HS6ST3: variants seen among roughly 807,000 people sequenced by gnomAD.
The protein encoded by HS6ST3 is heparan-sulfate 6-O-sulfotransferase 3.
A neutral mutation model predicts 36.7 loss-of-function variants in HS6ST3; 12 were observed. That is an observed-to-expected ratio of 0.33 (90% CI 0.21 to 0.53). The LOEUF (loss-of-function observed/expected upper bound fraction) is 0.53, where lower values mean the gene tolerates loss of function less well. Among genes scored for constraint, HS6ST3 ranks in the 20% least tolerant of loss-of-function variants. The pLI is 0.95. For synonymous variants in HS6ST3, 240 were observed against 257.5 expected, an observed-to-expected ratio of 0.93 and a Z score of 0.65; for missense variants, 584 against 640.9, an observed-to-expected ratio of 0.91 and a Z score of 0.96.
At chr13:96,515,402 C>T (rs1477270914) in intron 1 of HS6ST3, among the ~76,000 whole-genome samples, 10 of 152,174 alleles carry the variant, frequency 6.6e-5, no homozygotes, top group Non-Finnish European at 1.3e-4. Flanking sequence ...GAGGGGATGG[C>T]GTTGTTCACA....
At chr13:96,369,269 G>A (rs892714895) in intron 1 of HS6ST3, among the ~76,000 whole-genome samples, 3 of 152,080 alleles carry the variant, frequency 2.0e-5, no homozygotes, top group Non-Finnish European at 2.9e-5. Context: ...AAGCCACCAA[G>A]CAGCAACCGG....
intron 1 of HS6ST3, among the ~76,000 whole-genome samples, chr13:96,569,026 C>T (rs2056291624): frequency 6.6e-6 from 1 of 152,172 alleles, no homozygotes; most frequent in South Asian, 2.1e-4. Flanking sequence ...ACTTGGTTAT[C>T]TTCATGGAAA....
chr13:96,687,955 A>AG (rs1874830432), intron 1 of HS6ST3, among the ~76,000 whole-genome samples: 1 of 151,856 alleles, frequency 6.6e-6, no homozygotes, highest in Non-Finnish European at 1.5e-5. Context: ...TTCTTAGCAA[A>AG]CTATCACAAG....
At chr13:96,305,903 T>C (rs1239601832) in intron 1 of HS6ST3, among the ~76,000 whole-genome samples, 1 of 150,896 alleles carries the variant, frequency 6.6e-6, no homozygotes, top group African/African-American at 2.4e-5. Context: ...TTAACATTTA[T>C]GTACCAGATT....
At chr13:96,114,629 G>A (rs1016278051) in intron 1 of HS6ST3, among the ~76,000 whole-genome samples, 6 of 152,156 alleles carry the variant, frequency 3.9e-5, no homozygotes, top group African/African-American at 2.4e-5. Context: ...ATAGAGTTTT[G>A]AGGATTACAT....
rs761937904 is a variant in HS6ST3 at position 96,832,570 on chromosome 13, C to T, written c.788C>T (p.Thr263Ile). The T allele has an allele frequency of 1.2e-6, 2 of 1,613,836 alleles. No homozygotes were observed. The highest frequency in any genetic ancestry group is 1.7e-6 in the Non-Finnish European group (2 of 1,179,864). The change falls in exon 2 of 2, where the codon ACT becomes ATT. Residue 263 changes from threonine to isoleucine, a missense_variant. Physicochemically the swap from Thr to Ile is moderately conservative, Grantham distance 89. Around this residue, in one of 3 missense-constraint regions of HS6ST3, gnomAD observed 360 missense variants for 411.3 expected, o/e 0.88. Coordinates refer to ENST00000376705, the MANE Select transcript of HS6ST3 (RefSeq NM_153456.4). ...SEWKHVQRGA[T>I]WKTSLHMCDG... ...TGGAAACATGTCCAGAGAGGGGCCA[C>T]TTGGAAAACCTCTCTTCATATGTGT... is the stretch of plus-strand genomic sequence containing the variant.
At chr13:96,743,666 A>G (rs903044563) in intron 1 of HS6ST3, among the ~76,000 whole-genome samples, 8 of 151,976 alleles carry the variant, frequency 5.3e-5, no homozygotes, top group African/African-American at 1.9e-4. Flanking sequence ...AAACCAAAAC[A>G]CAGCTTGTGG....
intron 1 of HS6ST3, among the ~76,000 whole-genome samples, chr13:96,407,469 AT>A (rs1441389317): frequency 6.6e-6 from 1 of 152,202 alleles, no homozygotes; most frequent in Non-Finnish European, 1.5e-5. Context: ...TGGTGATTAA[AT>A]GGGCAAGGCC....
At chr13:96,388,420 G>A (rs2055379239) in intron 1 of HS6ST3, among the ~76,000 whole-genome samples, 1 of 152,192 alleles carries the variant, frequency 6.6e-6, no homozygotes. Context: ...TACTGAACTA[G>A]ATGGGGTTAT....
chr13:96,777,818 G>C (rs1374988444), intron 1 of HS6ST3, among the ~76,000 whole-genome samples: 1 of 151,960 alleles, frequency 6.6e-6, no homozygotes, highest in Non-Finnish European at 1.5e-5. Context: ...TATTGGAAAA[G>C]ACTACTTTAA....
chr13:96,771,763 C>G (rs1877271705), intron 1 of HS6ST3, among the ~76,000 whole-genome samples: 1 of 152,086 alleles, frequency 6.6e-6, no homozygotes, highest in African/African-American at 2.4e-5. Context: ...TAATCACAAC[C>G]TGATGGAAAA....
intron 1 of HS6ST3, among the ~76,000 whole-genome samples, chr13:96,301,533 T>G (rs2054881758): frequency 4.6e-5 from 7 of 152,184 alleles, no homozygotes. Flanking sequence ...GATATAATAC[T>G]TAACTTCTCT....
In HS6ST3 at chr13:96,641,400, C is replaced by CAG. The variant is rs369478929; in HGVS notation, c.708-191087_708-191086dup. Among the ~76,000 whole-genome samples the CAG allele has an allele frequency of 5.1e-3, 777 of 151,708 alleles. 6 individuals carry two copies. Among genetic ancestry groups the CAG allele is most frequent in the Middle Eastern group, 0.027 (8 of 294 alleles). The stretch of plus-strand genomic sequence containing the variant: ...GATTTTTTATACTGGAGTTATTTAT[C>CAG]AGAGCCAGGAGCCTTCTGGCTTTCA... On this transcript the variant is annotated intron_variant, in intron 1 of 1. Transcript: ENST00000376705.
intron 1 of HS6ST3, among the ~76,000 whole-genome samples, chr13:96,539,404 G>A (rs1035727408): frequency 2.0e-5 from 3 of 151,308 alleles, no homozygotes; most frequent in South Asian, 2.1e-4. Flanking sequence ...TACCCAGGCT[G>A]GAGTGCAGTG....
chr13:96,652,645 A>G (rs572862920), intron 1 of HS6ST3, among the ~76,000 whole-genome samples: 36 of 152,248 alleles, frequency 2.4e-4, no homozygotes, highest in Middle Eastern at 3.4e-3. Context: ...ACAGTGCATC[A>G]GAACAAATTG....
At chr13:96,728,150 A>G (rs1258836714) in intron 1 of HS6ST3, among the ~76,000 whole-genome samples, 1 of 152,224 alleles carries the variant, frequency 6.6e-6, no homozygotes, top group Non-Finnish European at 1.5e-5. Context: ...AAGTAAATAA[A>G]GTAGGAAGAA....
intron 1 of HS6ST3, among the ~76,000 whole-genome samples, chr13:96,731,660 T>G (rs1172409560): frequency 6.6e-6 from 1 of 151,872 alleles, no homozygotes; most frequent in Non-Finnish European, 1.5e-5. Flanking sequence ...TAGTTTGTTT[T>G]GTTTTTTTTT....
At chr13:96,759,077 C>G (rs1876902660) in intron 1 of HS6ST3, among the ~76,000 whole-genome samples, 1 of 151,790 alleles carries the variant, frequency 6.6e-6, no homozygotes, top group Non-Finnish European at 1.5e-5. Context: ...TATTTCTTGT[C>G]TTGGAGTTTA....
At chr13:96,500,208 T>C (rs1001455601) in intron 1 of HS6ST3, among the ~76,000 whole-genome samples, 4 of 152,202 alleles carry the variant, frequency 2.6e-5, no homozygotes, top group African/African-American at 9.6e-5. Flanking sequence ...CTGGCTTCTT[T>C]CACTTAGCAT....
Sources: allele counts gnomAD v4.1 joint callset (sites outside exome capture counted in the v4.1 genomes callset), GRCh38; gene constraint gnomAD v4.1.1; regional missense constraint gnomAD v4.1.1; transcripts MANE v1.5; gene names NCBI Gene and HGNC (gene_info 2026-07-23, HGNC 2026-07-21).